MYO5B: variants seen among roughly 807,000 people sequenced by gnomAD.
MYO5B encodes the protein myosin VB, also known as unconventional myosin-Vb.
MYO5B carries 143 observed loss-of-function variants against 229.3 expected under a neutral mutation model. That is an observed-to-expected ratio of 0.62 (90% CI 0.54 to 0.72). The LOEUF is 0.72. Ranked by LOEUF, MYO5B falls within the 30% of genes least tolerant of loss-of-function variation. The pLI is 0.00. For synonymous variants in MYO5B, 918 were observed against 885.2 expected, an observed-to-expected ratio of 1.04 and a Z score of -0.66; for missense variants, 2,321 against 2,331.0, an observed-to-expected ratio of 1.00 and a Z score of 0.09.
intron 29 of MYO5B, among the ~76,000 whole-genome samples, chr18:49,857,174 G>T (rs1364830678): frequency 6.6e-6 from 1 of 152,258 alleles, no homozygotes; most frequent in Admixed American, 6.5e-5. Context: ...AGAGACAGCA[G>T]AGGGCCAGCT....
chr18:50,032,446 T>C (rs1210813543), intron 4 of MYO5B, among the ~76,000 whole-genome samples: 15 of 152,218 alleles, frequency 9.9e-5, no homozygotes, highest in Admixed American at 9.8e-4. Context: ...GGACATTTTA[T>C]AGAAATGGAA....
At chr18:49,931,732 G>A (rs920484549) in intron 16 of MYO5B, among the ~76,000 whole-genome samples, 2 of 152,208 alleles carry the variant, frequency 1.3e-5, no homozygotes, top group Non-Finnish European at 2.9e-5. Context: ...ATGACTGCGA[G>A]TGATCAGAAG....
At chr18:50,034,599 C>A (rs1317062540) in intron 4 of MYO5B, among the ~76,000 whole-genome samples, 2 of 152,108 alleles carry the variant, frequency 1.3e-5, no homozygotes, top group East Asian at 1.9e-4. Flanking sequence ...CAAATATTAG[C>A]CAGGTGTGGT....
chr18:50,122,634 GGAGAGAGAGA>G (rs778675940), intron 1 of MYO5B, among the ~76,000 whole-genome samples: 107 of 9,198 alleles, frequency 0.012, no homozygotes, highest in African/African-American at 0.037. Flanking sequence ...GAAGGGGGGG[GGAGAGAGAGA>G]GAGAGAGAGA....
chr18:49,960,125 TA>T (rs1402352227), intron 12 of MYO5B, among the ~76,000 whole-genome samples: 1 of 152,056 alleles, frequency 6.6e-6, no homozygotes, highest in Non-Finnish European at 1.5e-5. Flanking sequence ...ACTTCTTATC[TA>T]AACCCCAGCT....
At chr18:49,967,744 G>T (rs1373496275) in intron 10 of MYO5B, among the ~76,000 whole-genome samples, 1 of 152,098 alleles carries the variant, frequency 6.6e-6, no homozygotes, top group African/African-American at 2.4e-5. Flanking sequence ...CTGTCAGAGA[G>T]GCCAACCCTT....
chr18:50,105,431 C>T (rs570253137), intron 1 of MYO5B, among the ~76,000 whole-genome samples: 81 of 152,048 alleles, frequency 5.3e-4, no homozygotes, highest in African/African-American at 1.9e-3. Flanking sequence ...TGAAGCAATG[C>T]TTCTTCCCTA....
rs775421806 is a variant in MYO5B, at chr18:49,837,567, G to A, written c.5088C>T (p.Asn1696=). The A allele has an allele frequency of 3.0e-5, 49 of 1,613,982 alleles. 1 individual carries two copies. Among genetic ancestry groups the A allele is most frequent in the Non-Finnish European group, 4.0e-5 (47 of 1,179,864 alleles). ...AGCAGACGTCCTTCCGCAAGAGCAGGTTGTTAAGAGTCACTGCGTTGATCA... is the reference window on the plus strand; with the variant it reads ...AGCAGACGTCCTTCCGCAAGAGCAGATTGTTAAGAGTCACTGCGTTGATCA... ...FYMINAVTLN[N]LLLRKDVCSW... Residue 1696 remains asparagine (N), a synonymous_variant, in exon 37 of 40, where the codon AAC becomes AAT. Coordinates refer to ENST00000285039, the MANE Select transcript of MYO5B (RefSeq NM_001080467.3).
At chr18:50,010,094 T>C (rs952985946) in intron 4 of MYO5B, among the ~76,000 whole-genome samples, 8 of 152,212 alleles carry the variant, frequency 5.3e-5, no homozygotes, top group Non-Finnish European at 1.0e-4. Flanking sequence ...AACTGTGTAA[T>C]TGGCATTTGG....
At chr18:50,050,486 T>C (rs554919061) in intron 2 of MYO5B, among the ~76,000 whole-genome samples, 1 of 152,340 alleles carries the variant, frequency 6.6e-6, no homozygotes, top group East Asian at 1.9e-4. Flanking sequence ...GTACCATCCT[T>C]AGACCTGAGC....
At chr18:50,015,721 C>T (rs2026209053) in intron 4 of MYO5B, among the ~76,000 whole-genome samples, 1 of 152,216 alleles carries the variant, frequency 6.6e-6, no homozygotes, top group African/African-American at 2.4e-5. Flanking sequence ...GCTTCCAAGG[C>T]CCCAACCTTC....
chr18:50,036,777 C>T, intron 4 of MYO5B, 73 bp downstream of exon 4: 1 of 1,552,406 alleles, frequency 6.4e-7, no homozygotes, highest in Non-Finnish European at 8.9e-7. Context: ...GCATCAGTTG[C>T]AGAGGAAGGT....
rs547574549 is a variant in MYO5B, at chr18:49,846,346, T to C, written c.4459+800A>G. Among the ~76,000 whole-genome samples the C allele has an allele frequency of 4.2e-4, 64 of 152,104 alleles. 1 individual carries two copies. Among genetic ancestry groups the C allele is most frequent in the Non-Finnish European group, 7.6e-4 (52 of 68,010 alleles). ...ATCTCTCACCCCTTCCCAGGGGTGA[T>C]ACTGATGCTGATGCTGATGCTGCTG... On this transcript the variant is annotated intron_variant, in intron 33 of 39. Transcript: ENST00000285039.
chr18:49,866,365 G>A (rs79070209), intron 27 of MYO5B, among the ~76,000 whole-genome samples: 14,304 of 151,992 alleles, frequency 0.094, 754 homozygotes, highest in South Asian at 0.15. Flanking sequence ...CGCCACGCCC[G>A]ACCTCATCTT....
rs1381905463 is a variant in MYO5B, at chr18:49,932,709, T to C, written c.2004-3111A>G. 3.9e-5 allele frequency among the ~76,000 whole-genome samples: 6 copies of C among 152,320 alleles called. No individual in the cohort carries two copies. In the South Asian group the frequency reaches 1.0e-3, roughly 26 times the overall value. On this transcript the variant is annotated intron_variant, in intron 16 of 39. Transcript: ENST00000285039. ...AACAAAAAAACAAGAAGAATGCTTT[T>C]AGAAAAAGCTAAGAGACACTATACA...
At chr18:49,911,326 T>G (rs1485310102) in intron 18 of MYO5B, among the ~76,000 whole-genome samples, 1 of 152,216 alleles carries the variant, frequency 6.6e-6, no homozygotes, top group African/African-American at 2.4e-5. Context: ...TCAGTCAGGC[T>G]GGTGGGAAAA....
chr18:50,107,405 T>G (rs1209389717), intron 1 of MYO5B, among the ~76,000 whole-genome samples: 1 of 151,772 alleles, frequency 6.6e-6, no homozygotes, highest in Non-Finnish European at 1.5e-5. Flanking sequence ...ACCAGAGAAA[T>G]GAGGAGCTCA....
intron 19 of MYO5B, 93 bp from the exon 20 acceptor site, chr18:49,904,921 C>T: frequency 2.1e-6 from 3 of 1,452,178 alleles, no homozygotes; most frequent in African/African-American, 1.4e-5. Flanking sequence ...GCAAACCTCT[C>T]CCTCTGTGGC....
In MYO5B at chr18:50,171,715, AGAG is replaced by A. The variant is rs2032922226; in HGVS notation, c.27+23049_27+23051del. 3.9e-5 allele frequency among the ~76,000 whole-genome samples: 5 copies of A among 128,022 alleles called. 2 individuals carry two copies. Among genetic ancestry groups the A allele is most frequent in the African/African-American group, 1.5e-4 (5 of 33,810 alleles). 84.0% of individuals were successfully genotyped at this position (128,022 alleles called of 152,430 possible). A position where few individuals can be genotyped will look rare whatever the true frequency, so the allele number is the denominator to read the frequency against. Reference sequence around the variant, plus strand: ...TTCAGCCCAAGTCACATGGCTGCATAGAGGAGGGGTTTTGTCAAGATGTTGAAA... The same window carrying A: ...TTCAGCCCAAGTCACATGGCTGCATAGAGGGGTTTTGTCAAGATGTTGAAA... On this transcript the variant is annotated intron_variant, in intron 1 of 39. Transcript: ENST00000285039.
Sources: allele counts gnomAD v4.1 joint callset (sites outside exome capture counted in the v4.1 genomes callset), GRCh38; gene constraint gnomAD v4.1.1; transcripts MANE v1.5; gene names NCBI Gene and HGNC (gene_info 2026-07-23, HGNC 2026-07-21).